MAGI2: variants seen among roughly 807,000 people sequenced by gnomAD.
MAGI2 encodes membrane-associated guanylate kinase, WW and PDZ domain-containing protein 2.
MAGI2 carries 35 observed loss-of-function variants against 133.3 expected under a neutral mutation model. The ratio of observed to expected loss-of-function variants is 0.26; its 90% CI spans 0.20 to 0.35. The LOEUF (loss-of-function observed/expected upper bound fraction) is 0.35. MAGI2 is among the 10% of genes least tolerant of loss of function. The probability of loss-of-function intolerance (pLI) is 1.00; values close to 1 mark genes in which losing one functional copy is unlikely to be tolerated. For synonymous variants in MAGI2, 729 were observed against 710.6 expected, an observed-to-expected ratio of 1.03 and a Z score of -0.41; for missense variants, 1,636 against 1,863.4, an observed-to-expected ratio of 0.88 and a Z score of 2.25.
chr7:79,015,653 C>T (rs1031862390), intron 1 of MAGI2, among the ~76,000 whole-genome samples: 12 of 152,110 alleles, frequency 7.9e-5, no homozygotes, highest in East Asian at 3.9e-4. Flanking sequence ...ATTTCAAATG[C>T]GGAATGTGTC....
At chr7:78,176,855 C>G (rs1168697514) in intron 14 of MAGI2, among the ~76,000 whole-genome samples, 1 of 134,594 alleles carries the variant, frequency 7.4e-6, no homozygotes, top group East Asian at 2.2e-4. Context: ...CTCAGGAAAA[C>G]CACATATATA....
In MAGI2 at chr7:78,972,678, T is replaced by C. The variant is rs373131712; in HGVS notation, c.418+34412A>G. On this transcript the variant is annotated intron_variant, in intron 2 of 21. Coordinates refer to ENST00000354212, the MANE Select transcript of MAGI2 (RefSeq NM_012301.4). ...TATATAATCCAGGCACAGATAATTG[T>C]AATTGACTTTATCTACAAATTTTGT... 4.6e-5 allele frequency among the ~76,000 whole-genome samples: 7 copies of C among 151,910 alleles called. No homozygotes were observed. In the East Asian group the frequency reaches 7.8e-4, roughly 17 times the overall value.
chr7:79,058,007 G>C (rs572982287), intron 1 of MAGI2, among the ~76,000 whole-genome samples: 31 of 151,264 alleles, frequency 2.0e-4, no homozygotes, highest in Admixed American at 1.3e-3. Flanking sequence ...ATAAACAGGA[G>C]GGAAAAGCTG....
chr7:78,856,852 A>G (rs1358570337), intron 2 of MAGI2, among the ~76,000 whole-genome samples: 2 of 152,102 alleles, frequency 1.3e-5, no homozygotes, highest in Admixed American at 1.3e-4. Context: ...CAGTGTGGCC[A>G]TTTTCACAAT....
chr7:79,293,625 T>G (rs1437131392), intron 1 of MAGI2, among the ~76,000 whole-genome samples: 2 of 152,218 alleles, frequency 1.3e-5, no homozygotes, highest in African/African-American at 4.8e-5. Context: ...AATGACATTA[T>G]AAGGTATGTA....
intron 1 of MAGI2, among the ~76,000 whole-genome samples, chr7:79,421,049 C>G (rs1846922076): frequency 6.6e-6 from 1 of 151,856 alleles, no homozygotes; most frequent in South Asian, 2.1e-4. Context: ...AAACAAAGAA[C>G]AAAATGTAAC....
chr7:79,223,793 ATTC>A (rs1232871548), intron 1 of MAGI2, among the ~76,000 whole-genome samples: 1 of 152,058 alleles, frequency 6.6e-6, no homozygotes, highest in Non-Finnish European at 1.5e-5. Context: ...TAAAACCTCT[ATTC>A]TTCTCATTAC....
At position 79,262,916 on chromosome 7, in the gene MAGI2, C is replaced by T. The variant is rs192757105; in HGVS notation, c.301+190104G>A. 6.6e-5 allele frequency among the ~76,000 whole-genome samples: 10 copies of T among 152,224 alleles called. No homozygotes were observed. The East Asian group carries it at 1.9e-3, about 29-fold the overall frequency. ...TGCCTTTTCAAAAATTAAATATTAG[C>T]CTATTTTTCCCTATGGTTACCAAGT... is the stretch of plus-strand genomic sequence containing the variant. On this transcript the variant is annotated intron_variant, in intron 1 of 21. Transcript: ENST00000354212.
chr7:78,326,960 A>T (rs1788650537), intron 9 of MAGI2, among the ~76,000 whole-genome samples: 1 of 152,040 alleles, frequency 6.6e-6, no homozygotes, highest in South Asian at 2.1e-4. Flanking sequence ...TTGCAATTGT[A>T]TGCTTTTTTA....
intron 10 of MAGI2, among the ~76,000 whole-genome samples, chr7:78,202,455 G>T (rs868811824): frequency 6.6e-6 from 1 of 151,994 alleles, no homozygotes; most frequent in South Asian, 2.1e-4. Flanking sequence ...GGCCGAGGCG[G>T]GCGGATTACC....
intron 1 of MAGI2, among the ~76,000 whole-genome samples, chr7:79,342,031 C>G (rs529993316): frequency 3.9e-5 from 6 of 152,178 alleles, no homozygotes; most frequent in Non-Finnish European, 8.8e-5. Context: ...TGTCCATCAC[C>G]TTTCTGGTTT....
intron 1 of MAGI2, among the ~76,000 whole-genome samples, chr7:79,290,648 T>C (rs770704752): frequency 1.4e-4 from 21 of 152,040 alleles, no homozygotes; most frequent in Non-Finnish European, 2.8e-4. Flanking sequence ...TATCTATTCA[T>C]GTGTGATTTC....
chr7:78,573,305 T>TATATATAA lies in MAGI2; in HGVS notation c.539-51668_539-51661dup, dbSNP rs1286019274. Among the ~76,000 whole-genome samples the TATATATAA allele has an allele frequency of 1.7e-4, 11 of 64,614 alleles. No homozygotes were observed. The East Asian group carries it at 1.9e-3, about 11-fold the overall frequency. The allele number at this position is 64,614 out of a possible 152,430, so 42.4% of individuals were successfully genotyped here. A position where few individuals can be genotyped will look rare whatever the true frequency, so the allele number is the denominator to read the frequency against. ...ATATTTATATAAATATATATATTTATATATATAAATATATAAATATATATA... is the reference window on the plus strand; with the variant it reads ...ATATTTATATAAATATATATATTTATATATATAAATATATAAATATATAAATATATATA... On this transcript the variant is annotated intron_variant, in intron 3 of 21. Coordinates refer to ENST00000354212, the MANE Select transcript of MAGI2 (RefSeq NM_012301.4).
intron 3 of MAGI2, among the ~76,000 whole-genome samples, chr7:78,578,796 T>C (rs1563197015): frequency 6.6e-6 from 1 of 152,202 alleles, no homozygotes; most frequent in Non-Finnish European, 1.5e-5. Flanking sequence ...TGACTCTCAG[T>C]GGAGGCCAGG....
chr7:79,089,915 GA>G (rs1384407245), intron 1 of MAGI2, among the ~76,000 whole-genome samples: 1 of 151,808 alleles, frequency 6.6e-6, no homozygotes, highest in Non-Finnish European at 1.5e-5. Context: ...ATGTGTGCAG[GA>G]AACCACCATG....
Position 79,231,400 on chromosome 7 carries a change from C to T in MAGI2, c.301+221620G>A, listed in dbSNP as rs1178026102. On this transcript the variant is annotated intron_variant, in intron 1 of 21. Coordinates refer to ENST00000354212, the MANE Select transcript of MAGI2 (RefSeq NM_012301.4). The stretch of plus-strand genomic sequence containing the variant: ...ACCTTGGGCAGTATGGCCATTTTCA[C>T]GATATTGATTCTTCCTACCCATGAC... 2.5e-4 allele frequency among the ~76,000 whole-genome samples: 19 copies of T among 75,066 alleles called. 1 individual carries two copies. The highest frequency in any genetic ancestry group is 2.5e-3 in the East Asian group (8 of 3,182). The allele number at this position is 75,066 out of a possible 152,430, so 49.2% of individuals were successfully genotyped here. A position where few individuals can be genotyped will look rare whatever the true frequency, so the allele number is the denominator to read the frequency against.
intron 6 of MAGI2, among the ~76,000 whole-genome samples, chr7:78,419,913 G>T (rs1798644800): frequency 6.6e-6 from 1 of 152,062 alleles, no homozygotes; most frequent in Non-Finnish European, 1.5e-5. Context: ...ACTTGTTGGG[G>T]GTTGAGGTCC....
chr7:78,671,281 CTTTT>C (rs34087973), intron 2 of MAGI2, among the ~76,000 whole-genome samples: 1 of 144,012 alleles, frequency 6.9e-6, no homozygotes, highest in Non-Finnish European at 1.5e-5. Flanking sequence ...CTCTCTCTCT[CTTTT>C]TTTTTTTTTT....
intron 6 of MAGI2, among the ~76,000 whole-genome samples, chr7:78,477,358 T>C (rs758134910): frequency 5.9e-5 from 9 of 152,152 alleles, no homozygotes; most frequent in South Asian, 4.1e-4. Flanking sequence ...GAACACTGAA[T>C]GTAATACTTA....
Sources: gnomAD v4.1 joint callset for allele counts (sites outside exome capture counted in the v4.1 genomes callset) on GRCh38, gnomAD v4.1.1 for gene constraint, MANE v1.5 for transcripts, NCBI Gene and HGNC (gene_info 2026-07-23, HGNC 2026-07-21) for gene names.